Variants in PRIM2 observed in about 807,000 individuals in gnomAD.
The protein encoded by PRIM2 is DNA primase subunit 2.
A neutral mutation model predicts 67.3 loss-of-function variants in PRIM2; 39 were observed. That is an observed-to-expected ratio of 0.58 (90% CI 0.45 to 0.76). The LOEUF (loss-of-function observed/expected upper bound fraction) is 0.76, where lower values mean the gene tolerates loss of function less well. PRIM2 is among the 30% of genes least tolerant of loss of function. PRIM2 has a pLI of 0.00. For synonymous variants in PRIM2, 143 were observed against 198.7 expected (o/e 0.72, Z 2.36); for missense variants, 398 against 598.7 (o/e 0.66, Z 3.50).
chr6:57,420,262 T>G (rs1217654962), intron 7 of PRIM2, among the ~76,000 whole-genome samples: 1 of 152,204 alleles, frequency 6.6e-6, no homozygotes, highest in Non-Finnish European at 1.5e-5. Context: ...CTCAGCACTT[T>G]GGGAGGCCAA....
intron 13 of PRIM2, among the ~76,000 whole-genome samples, chr6:57,644,350 A>G (rs1412568664): frequency 6.6e-6 from 1 of 151,834 alleles, no homozygotes; most frequent in Non-Finnish European, 1.5e-5. Context: ...TCCAGACGCA[A>G]CTCAAATAGC....
the PRIM2 span, among the ~76,000 whole-genome samples, chr6:57,247,671 C>T: frequency 2.0e-5 from 3 of 152,126 alleles, no homozygotes; most frequent in Non-Finnish European, 4.4e-5. Flanking sequence ...CTATCAAAAT[C>T]CTATCTTAGG....
intron 7 of PRIM2, among the ~76,000 whole-genome samples, chr6:57,432,340 G>A (rs1771863448): frequency 6.6e-6 from 1 of 152,142 alleles, no homozygotes; most frequent in Non-Finnish European, 1.5e-5. Context: ...ACTAAGAATT[G>A]TATTCATATT....
intron 10 of PRIM2, among the ~76,000 whole-genome samples, chr6:57,575,178 T>C (rs1775941387): frequency 6.6e-6 from 1 of 152,198 alleles, no homozygotes; most frequent in South Asian, 2.1e-4. Context: ...TCCTGCCTTA[T>C]AGATAGAAAT....
chr6:57,234,781 C>T, the PRIM2 span, among the ~76,000 whole-genome samples: 1 of 152,170 alleles, frequency 6.6e-6, no homozygotes, highest in African/African-American at 2.4e-5. Context: ...CCTTGGCCTC[C>T]CAAAGTGCTG....
At chr6:57,466,032 T>C (rs1773177307) in intron 7 of PRIM2, among the ~76,000 whole-genome samples, 1 of 151,688 alleles carries the variant, frequency 6.6e-6, no homozygotes, top group African/African-American at 2.4e-5. Context: ...CCATGTGTTC[T>C]CGTTGTTCAG....
intron 12 of PRIM2, among the ~76,000 whole-genome samples, chr6:57,623,851 T>C (rs1334486476): frequency 6.6e-6 from 1 of 152,148 alleles, no homozygotes; most frequent in African/African-American, 2.4e-5. Context: ...AGTTTCTATC[T>C]CTGAATTTAT....
the PRIM2 span, among the ~76,000 whole-genome samples, chr6:57,251,003 T>C: frequency 6.6e-6 from 1 of 152,206 alleles, no homozygotes; most frequent in Non-Finnish European, 1.5e-5. Flanking sequence ...GAAACACTTC[T>C]TGTCCCAAGC....
intron 12 of PRIM2, among the ~76,000 whole-genome samples, chr6:57,620,966 G>T (rs1776842136): frequency 6.6e-6 from 1 of 152,282 alleles, no homozygotes; most frequent in African/African-American, 2.4e-5. Context: ...TAAAGCAACA[G>T]CATTACAGGC....
chr6:57,338,328 A>G lies in PRIM2; in HGVS notation c.459+12283A>G, dbSNP rs565744209. Among the ~76,000 whole-genome samples, 193 of 152,302 alleles carry G rather than the reference A, an allele frequency of 1.3e-3. 4 individuals carry two copies. The East Asian group carries it at 0.017, about 13-fold the overall frequency. On this transcript the variant is annotated intron_variant, in intron 5 of 13. Transcript: ENST00000615550. ...TTCTGAAACTAGTCCAATGAATAGAAAAAGAGGGAATCCTCCCTAACTCAT... is the reference window on the plus strand; with the variant it reads ...TTCTGAAACTAGTCCAATGAATAGAGAAAGAGGGAATCCTCCCTAACTCAT...
At chr6:57,517,564 C>A (rs1774512395) in intron 8 of PRIM2, among the ~76,000 whole-genome samples, 1 of 151,876 alleles carries the variant, frequency 6.6e-6, no homozygotes. Flanking sequence ...ATTTCAGCAA[C>A]CAATTTTAGT....
chr6:57,349,147 A>G (rs1022964778), intron 5 of PRIM2, among the ~76,000 whole-genome samples: 2 of 152,188 alleles, frequency 1.3e-5, no homozygotes, highest in African/African-American at 4.8e-5. Flanking sequence ...ACACTGTTCT[A>G]TAAATCAACA....
chr6:57,338,021 G>A (rs1768321574), intron 5 of PRIM2, among the ~76,000 whole-genome samples: 1 of 151,830 alleles, frequency 6.6e-6, no homozygotes, highest in African/African-American at 2.4e-5. Context: ...AATGATAAAG[G>A]GGATATCACC....
At chr6:57,282,624 C>T in the PRIM2 span, among the ~76,000 whole-genome samples, 1 of 152,176 alleles carries the variant, frequency 6.6e-6, no homozygotes. Context: ...TTAAGGTAAA[C>T]GTAAAATGAG....
chr6:57,330,984 C>T lies in PRIM2; in HGVS notation c.459+4939C>T, dbSNP rs181630974. ...GATCACAAGGTCAGGAGTTTGAGAC[C>T]GGCCTGACCAACATAGTGAAACCCC... On this transcript the variant is annotated intron_variant, in intron 5 of 13. Transcript: ENST00000615550. 1.3e-3 allele frequency among the ~76,000 whole-genome samples: 203 copies of T among 151,762 alleles called. 4 individuals carry two copies. In the East Asian group the frequency reaches 0.016, roughly 12 times the overall value.
At chr6:57,494,093 G>A (rs1180666313) in intron 7 of PRIM2, 1 of 152,162 alleles carries the variant, frequency 6.6e-6, no homozygotes, top group African/African-American at 2.4e-5. Flanking sequence ...TTACTCTTAG[G>A]AAGTGTATCC....
chr6:57,390,959 T>C (rs1770323051), intron 7 of PRIM2, among the ~76,000 whole-genome samples: 1 of 152,132 alleles, frequency 6.6e-6, no homozygotes, highest in Admixed American at 6.6e-5. Flanking sequence ...GAGGAATCAG[T>C]ATACTGCTTT....
intron 5 of PRIM2, among the ~76,000 whole-genome samples, chr6:57,355,177 G>A (rs374453155): frequency 4.6e-3 from 691 of 149,110 alleles, no homozygotes; most frequent in African/African-American, 0.016. Context: ...GGTGGCGGGC[G>A]CCTGCAATCC....
In PRIM2 at chr6:57,416,186, A is replaced by G. The variant is rs558661804; in HGVS notation, c.693+34018A>G. ...GTGAAAGTTAAAATATTCCTGATCC[A>G]TGGGCAGCAGAATGGATATTGTGTT... On this transcript the variant is annotated intron_variant, in intron 7 of 13. Transcript: ENST00000615550. Among the ~76,000 whole-genome samples the G allele has an allele frequency of 9.7e-4, 148 of 152,300 alleles. No homozygotes were observed. The South Asian group carries it at 0.012, about 12-fold the overall frequency.
Sources: gnomAD v4.1 joint callset for allele counts (sites outside exome capture counted in the v4.1 genomes callset) on GRCh38, gnomAD v4.1.1 for gene constraint, MANE v1.5 for transcripts, NCBI Gene and HGNC (gene_info 2026-07-23, HGNC 2026-07-21) for gene names.